ZFAND6: variants seen among roughly 807,000 people sequenced by gnomAD.
The protein encoded by ZFAND6 is zinc finger AN1-type containing 6, also known as AN1-type zinc finger protein 6.
ZFAND6 carries 12 observed loss-of-function variants against 24.5 expected under a neutral mutation model. The observed-to-expected ratio is 0.49, with a 90% CI of 0.31 to 0.79. ZFAND6 has a LOEUF of 0.79. ZFAND6 is among the 30% of genes least tolerant of loss of function. ZFAND6 has a pLI of 0.04. For missense variants in ZFAND6, 207 were observed against 245.9 expected (o/e 0.84, Z 1.06); for synonymous variants, 92 against 81.5 (o/e 1.13, Z -0.69).
At chr15:80,111,842 G>A (rs903609743) in intron 2 of ZFAND6, among the ~76,000 whole-genome samples, 1 of 152,206 alleles carries the variant, frequency 6.6e-6, no homozygotes, top group East Asian at 1.9e-4. Context: ...AAAATTGAAG[G>A]TGGTCTTGAA....
Position 80,068,215 on chromosome 15 carries a change from T to G in ZFAND6, c.-181+8406T>G, listed in dbSNP as rs192800983. The stretch of plus-strand genomic sequence containing the variant: ...CAGGATGGAGTGCAGTGATGTGATG[T>G]TGGCTCACTGTAGTCTCAACCTCCC... On this transcript the variant is annotated intron_variant, in intron 1 of 6. Coordinates refer to ENST00000261749, the MANE Select transcript of ZFAND6 (RefSeq NM_019006.4). Among the ~76,000 whole-genome samples, 135 of 152,002 alleles carry G rather than the reference T, an allele frequency of 8.9e-4. No individual in the cohort carries two copies. In the Middle Eastern group the frequency reaches 0.017, roughly 19 times the overall value.
intron 2 of ZFAND6, among the ~76,000 whole-genome samples, chr15:80,102,404 C>T (rs950411436): frequency 2.6e-5 from 4 of 152,146 alleles, no homozygotes; most frequent in African/African-American, 7.2e-5. Flanking sequence ...TGTGAGCCCC[C>T]GCGCCCAGCC....
At chr15:80,079,485 G>T (rs963228790) in intron 1 of ZFAND6, among the ~76,000 whole-genome samples, 1 of 151,944 alleles carries the variant, frequency 6.6e-6, no homozygotes, top group Non-Finnish European at 1.5e-5. Context: ...CTCCCAAAGT[G>T]CTGGGATTAC....
intron 5 of ZFAND6, among the ~76,000 whole-genome samples, chr15:80,123,489 C>G (rs999498625): frequency 7.9e-5 from 12 of 152,140 alleles, no homozygotes; most frequent in Non-Finnish European, 1.2e-4. Context: ...AAAGATAAGC[C>G]TAATGAAGAG....
chr15:80,113,072 A>G (rs2039691873), intron 2 of ZFAND6, among the ~76,000 whole-genome samples: 1 of 152,166 alleles, frequency 6.6e-6, no homozygotes, highest in African/African-American at 2.4e-5. Context: ...TTCAAAGCTT[A>G]ATGTGCATTC....
intron 1 of ZFAND6, among the ~76,000 whole-genome samples, chr15:80,065,627 C>T (rs2036591392): frequency 7.2e-6 from 1 of 139,334 alleles, no homozygotes. Flanking sequence ...CTCACTGCAG[C>T]CTTTGTCTCC....
At chr15:80,113,110 T>G (rs2141989322) in intron 2 of ZFAND6, among the ~76,000 whole-genome samples, 1 of 152,342 alleles carries the variant, frequency 6.6e-6, no homozygotes, top group South Asian at 2.1e-4. Context: ...TTATGTGTAT[T>G]TTTTTCTTTT....
intron 1 of ZFAND6, among the ~76,000 whole-genome samples, chr15:80,070,578 G>T (rs576042999): frequency 6.6e-6 from 1 of 152,264 alleles, no homozygotes; most frequent in African/African-American, 2.4e-5. Flanking sequence ...GCAGGTCCCA[G>T]AGATCTTAAA....
rs2040922853 is a variant in ZFAND6 at position 80,137,637 on chromosome 15, T to G, written c.*9T>G. ...AGATCCAAAAGATTTGAACTCCTGCTGGAATACAAAATTCTTGAGCATCTG... is the reference window on the plus strand; with the variant it reads ...AGATCCAAAAGATTTGAACTCCTGCGGGAATACAAAATTCTTGAGCATCTG... On this transcript the variant is annotated 3_prime_UTR_variant, in exon 7 of 7. Transcript: ENST00000261749. 6.4e-7 allele frequency: 1 copy of G among 1,565,398 alleles called. No individual in the cohort carries two copies. The highest frequency in any genetic ancestry group is 1.4e-5 in the African/African-American group (1 of 71,806).
At chr15:80,098,240 G>A (rs189669100) in intron 1 of ZFAND6, among the ~76,000 whole-genome samples, 176 bp from the exon 2 acceptor site, 8 of 152,262 alleles carry the variant, frequency 5.3e-5, no homozygotes, top group Admixed American at 4.6e-4. Flanking sequence ...TTAGTTATAT[G>A]CATATTGTTA....
At chr15:80,088,845 A>G (rs12594534) in intron 1 of ZFAND6, among the ~76,000 whole-genome samples, 11,743 of 152,206 alleles carry the variant, frequency 0.077, 520 homozygotes, top group East Asian at 0.19. Flanking sequence ...CTCCATTCCA[A>G]GTGCTCCGTA....
chr15:80,064,427 TATG>T (rs2036500158), intron 1 of ZFAND6, among the ~76,000 whole-genome samples: 2 of 152,296 alleles, frequency 1.3e-5, no homozygotes, highest in South Asian at 2.1e-4. Context: ...TTTAATTAAT[TATG>T]ATGGTAAATA....
chr15:80,083,770 A>T (rs1430965499), intron 1 of ZFAND6, among the ~76,000 whole-genome samples: 1 of 152,152 alleles, frequency 6.6e-6, no homozygotes, highest in East Asian at 1.9e-4. Flanking sequence ...GAGCATCTGT[A>T]ATCCCAGCTA....
At chr15:80,125,167 G>A (rs1178658575) in intron 5 of ZFAND6, among the ~76,000 whole-genome samples, 4 of 152,128 alleles carry the variant, frequency 2.6e-5, no homozygotes, top group Admixed American at 1.3e-4. Flanking sequence ...ACTCATAGAG[G>A]CCAGTATTCT....
chr15:80,116,987 A>G (rs1198839378), intron 2 of ZFAND6, among the ~76,000 whole-genome samples: 1 of 152,206 alleles, frequency 6.6e-6, no homozygotes, highest in Admixed American at 6.5e-5. Flanking sequence ...CTAAGCAACC[A>G]ACATTGGTTG....
chr15:80,133,527 GAA>G (rs975802508), intron 6 of ZFAND6, among the ~76,000 whole-genome samples: 3 of 152,108 alleles, frequency 2.0e-5, no homozygotes, highest in Non-Finnish European at 1.5e-5. Context: ...GTTTGGCTTT[GAA>G]AAAGTCAAGA....
chr15:80,121,569 T>A (rs561402711), intron 3 of ZFAND6, 143 bp from the exon 4 acceptor site: 79 of 530,086 alleles, frequency 1.5e-4, no homozygotes, highest in Admixed American at 2.5e-4. Flanking sequence ...AAAAATTTTT[T>A]AAAAATAATG....
At chr15:80,130,579 A>G (rs1273699668) in intron 5 of ZFAND6, 1 of 152,222 alleles carries the variant, frequency 6.6e-6, no homozygotes, top group Admixed American at 6.5e-5. Context: ...ATTTAACCCG[A>G]ATCTTGGTAA....
At position 80,082,603 on chromosome 15, in the gene ZFAND6, TG is replaced by T. The variant is rs561543476; in HGVS notation, c.-180-15810del. 8.5e-5 allele frequency among the ~76,000 whole-genome samples: 13 copies of T among 152,322 alleles called. 1 individual carries two copies. Among genetic ancestry groups the T allele is most frequent in the African/African-American group, 3.1e-4 (13 of 41,578 alleles). On this transcript the variant is annotated intron_variant, in intron 1 of 6. Transcript: ENST00000261749. ...AATTTTACTAATGTTCCTAAACCTTTGGGTTTGGTATCTCAATATCACTGTC... is the reference window on the plus strand; with the variant it reads ...AATTTTACTAATGTTCCTAAACCTTTGGTTTGGTATCTCAATATCACTGTC...
Sources: gnomAD v4.1 joint callset for allele counts (sites outside exome capture counted in the v4.1 genomes callset) on GRCh38, gnomAD v4.1.1 for gene constraint, MANE v1.5 for transcripts, NCBI Gene and HGNC (gene_info 2026-07-23, HGNC 2026-07-21) for gene names.